Variants in BEST1 observed in about 807,000 individuals in gnomAD.
BEST1 encodes the protein bestrophin-1.
In BEST1, 58 loss-of-function variants were observed where a neutral mutation model predicts 63.3. The observed-to-expected ratio is 0.92, with a 90% CI of 0.74 to 1.14. The LOEUF is 1.14. Ranked by LOEUF, BEST1 falls within the 50% of genes most tolerant of loss-of-function variation. The pLI is 0.00. For missense variants in BEST1, 671 were observed against 740.1 expected, an observed-to-expected ratio of 0.91 and a Z score of 1.08; for synonymous variants, 283 against 291.6, an observed-to-expected ratio of 0.97 and a Z score of 0.30.
chr11:61,956,803 C>G, intron 4 of BEST1, 41 bp from the exon 5 acceptor site: 1 of 1,613,070 alleles, frequency 6.2e-7, no homozygotes, highest in African/African-American at 1.3e-5. Flanking sequence ...ATCCCTTCTG[C>G]AGGTTCTCCC....
intron 9 of BEST1, chr11:61,960,740 A>C (rs1941980376): frequency 6.4e-6 from 1 of 155,134 alleles, no homozygotes; most frequent in Non-Finnish European, 1.4e-5. Flanking sequence ...AAGTCCCAGC[A>C]GGCAGCCAGG....
chr11:61,961,162 T>G (rs1279079241), intron 9 of BEST1: 1 of 151,992 alleles, frequency 6.6e-6, no homozygotes, highest in Non-Finnish European at 1.5e-5. Context: ...GGATTATAGG[T>G]GCCAGCCACC....
In BEST1 at chr11:61,955,966, A is replaced by G. The variant is rs1261678869; in HGVS notation, c.481+15A>G. 2.6e-6 allele frequency: 4 copies of G among 1,542,814 alleles called. No individual in the cohort carries two copies. In the Admixed American group the frequency reaches 7.9e-5, roughly 30 times the overall value. Reference sequence around the variant, plus strand: ...GGTGCAAGCAGGTGGGCGGACCGGGAGCAACGGGGAGGCACCGGGCAGAGC... The same window carrying G: ...GGTGCAAGCAGGTGGGCGGACCGGGGGCAACGGGGAGGCACCGGGCAGAGC... On this transcript the variant is annotated intron_variant, in intron 4 of 10. Transcript: ENST00000378043.
intron 10 of BEST1, chr11:61,963,403 T>A: frequency 8.2e-7 from 1 of 1,216,400 alleles, no homozygotes; most frequent in Non-Finnish European, 1.0e-6. Context: ...GTTGAGGGTG[T>A]CCAGCGCCCT....
intron 10 of BEST1, 24 bp downstream of exon 10, chr11:61,962,917 G>C: frequency 6.2e-7 from 1 of 1,614,118 alleles, no homozygotes; most frequent in Non-Finnish European, 8.5e-7. Context: ...CTGAACCAGG[G>C]GCACTGCATT....
chr11:61,962,871 C>T lies in BEST1; in HGVS notation c.1717C>T (p.Pro573Ser). The T allele has an allele frequency of 6.2e-7, 1 of 1,614,172 alleles. No individual in the cohort carries two copies. The highest frequency in any genetic ancestry group is 8.5e-7 in the Non-Finnish European group (1 of 1,180,026). The change falls in exon 10 of 11, where the codon CCT becomes TCT. Residue 573 changes from proline (P) to serine (S), a missense_variant. Physicochemically the swap from Pro to Ser is moderately conservative, Grantham distance 74. Coordinates refer to ENST00000378043, the MANE Select transcript of BEST1 (RefSeq NM_004183.4). ...IHTTLKDHMD[P>S]YWALENRDEA... is the part of the protein sequence containing the mutation. ...CACTACACTCAAAGATCACATGGATCCTTATTGGGCCTTGGAAAACAGGTC... is the reference window on the plus strand; with the variant it reads ...CACTACACTCAAAGATCACATGGATTCTTATTGGGCCTTGGAAAACAGGTC...
At position 61,955,141 on chromosome 11, in the gene BEST1, G is replaced by C; in HGVS notation, c.187G>C (p.Glu63Gln). Reference protein sequence around the residue: ...ALTEEQQLMFEKLTLYCDSYI... With the variant: ...ALTEEQQLMFQKLTLYCDSYI... ...CACGGAAGAACAACAGCTGATGTTT[G>C]AGAAACTGACTCTGTATTGCGACAG... is the stretch of plus-strand genomic sequence containing the variant. The change falls in exon 3 of 11, where the codon GAG becomes CAG. Residue 63 changes from glutamate (E) to glutamine (Q), a missense_variant. Glu to Gln is a conservative substitution (Grantham distance 29, BLOSUM62 2). Coordinates refer to ENST00000378043, the MANE Select transcript of BEST1 (RefSeq NM_004183.4). The C allele has an allele frequency of 6.2e-7, 1 of 1,613,268 alleles. No individual in the cohort carries two copies. The highest frequency in any genetic ancestry group is 8.5e-7 in the Non-Finnish European group (1 of 1,179,168).
intron 7 of BEST1, chr11:61,959,214 CAT>C (rs1941767561): frequency 2.6e-5 from 13 of 507,432 alleles, no homozygotes; most frequent in South Asian, 2.0e-4. Context: ...AGGTAAGATA[CAT>C]GAGGTGAGAT....
rs1332649125 is a variant in BEST1 at position 61,958,900 on chromosome 11, ACACACATACACACACACACACACG to A, written c.868-595_868-572del. ...CACACACACACACACACACACACAC[ACACACATACACACACACACACACG>A]CATTCCTATTCCTCTAAATTCCCCC... On this transcript the variant is annotated intron_variant, in intron 7 of 10. Transcript: ENST00000378043. 4.2e-3 allele frequency: 119 copies of A among 28,634 alleles called. 1 individual carries two copies. Among genetic ancestry groups the A allele is most frequent in the Non-Finnish European group, 7.7e-3 (83 of 10,774 alleles). The allele number at this position is 28,634 out of a possible 1,614,324, so 1.8% of individuals were successfully genotyped here.
chr11:61,958,484 C>T (rs772597737), intron 7 of BEST1, 186 bp downstream of exon 7: 55 of 1,500,730 alleles, frequency 3.7e-5, no homozygotes, highest in South Asian at 8.4e-5. Context: ...CGCTTGAACC[C>T]GGGAGGCGGA....
chr11:61,958,664 G>T, intron 7 of BEST1: 1 of 517,338 alleles, frequency 1.9e-6, no homozygotes, highest in Non-Finnish European at 3.5e-6. Flanking sequence ...CTGTTGGGCT[G>T]TCTTGTTCCT....
In BEST1 at chr11:61,963,548, C is replaced by T. The variant is rs1257367039; in HGVS notation, c.1740-556C>T. 4 of 1,028,698 alleles carry T rather than the reference C, an allele frequency of 3.9e-6. No individual in the cohort carries two copies. In the Admixed American group the frequency reaches 2.0e-4, roughly 51 times the overall value. 63.7% of individuals were successfully genotyped at this position (1,028,698 alleles called of 1,614,324 possible). A position where few individuals can be genotyped will look rare whatever the true frequency, so the allele number is the denominator to read the frequency against. ...GGACACTTTCACCCAATTATAAACA[C>T]CCCACTTCAGCCCCAATCACGTGGG... On this transcript the variant is annotated intron_variant, in intron 10 of 10. Coordinates refer to ENST00000378043, the MANE Select transcript of BEST1 (RefSeq NM_004183.4).
At chr11:61,965,225 T>C (rs1942424551), downstream of BEST1, 1 of 1,591,762 alleles carries the variant, frequency 6.3e-7, no homozygotes, top group Non-Finnish European at 8.6e-7. Flanking sequence ...CCTAATTTAG[T>C]TTAGATGGTA....
chr11:61,963,915 T>C, intron 10 of BEST1, 189 bp from the exon 11 acceptor site: 3 of 1,400,712 alleles, frequency 2.1e-6, no homozygotes, highest in Non-Finnish European at 2.8e-6. Flanking sequence ...GGAGAATTGC[T>C]TGAACCCAGG....
At chr11:61,958,329 AG>A (rs777471862) in intron 7 of BEST1, 31 bp downstream of exon 7, 1 of 1,614,054 alleles carries the variant, frequency 6.2e-7, no homozygotes, top group Non-Finnish European at 8.5e-7. Flanking sequence ...GCTGGGCTGG[AG>A]GCATGGCCAG....
In BEST1 at chr11:61,955,149, G is replaced by T; in HGVS notation, c.195G>T (p.Leu65=). The part of the protein sequence containing the change: ...TEEQQLMFEK[L]TLYCDSYIQL... ...AACAACAGCTGATGTTTGAGAAACT[G>T]ACTCTGTATTGCGACAGCTACATCC... The change falls in exon 3 of 11, where the codon CTG becomes CTT. Residue 65 remains leucine, a synonymous_variant. Transcript: ENST00000378043. 6.2e-7 allele frequency: 1 copy of T among 1,614,012 alleles called. No homozygotes were observed. The highest frequency in any genetic ancestry group is 1.1e-5 in the South Asian group (1 of 91,078).
chr11:61,956,893 A>AC lies in BEST1; in HGVS notation c.532dup (p.His178ProfsTer54). The AC allele has an allele frequency of 6.2e-7, 1 of 1,614,036 alleles. No homozygotes were observed. The highest frequency in any genetic ancestry group is 1.3e-5 in the African/African-American group (1 of 75,000). On this transcript the variant is annotated frameshift_variant, in exon 5 of 11. Transcript: ENST00000378043. LOFTEE classifies it high-confidence loss of function. ...AGCAGTTGGAGAAACTGAGCCTACCACACAACATGTTCTGGGTGCCCTGGG... is the reference window on the plus strand; with the variant it reads ...AGCAGTTGGAGAAACTGAGCCTACCACCACAACATGTTCTGGGTGCCCTGGG...
chr11:61,954,626 G>A (rs1941074175), intron 2 of BEST1, among the ~76,000 whole-genome samples: 1 of 152,034 alleles, frequency 6.6e-6, no homozygotes, highest in South Asian at 2.1e-4. Flanking sequence ...TACGGCAACG[G>A]CACCCAACTA....
intron 10 of BEST1, 78 bp downstream of exon 10, chr11:61,962,971 T>TC: frequency 6.2e-7 from 1 of 1,611,994 alleles, no homozygotes; most frequent in South Asian, 1.1e-5. Flanking sequence ...AGCCTACCCT[T>TC]CCTCCACAAT....
Sources: gnomAD v4.1 joint callset for allele counts (sites outside exome capture counted in the v4.1 genomes callset) on GRCh38, gnomAD v4.1.1 for gene constraint, MANE v1.5 for transcripts, NCBI Gene and HGNC (gene_info 2026-07-23, HGNC 2026-07-21) for gene names.